Variants in PFDN5 observed in about 807,000 individuals in gnomAD.
The protein encoded by PFDN5 is c-myc binding protein.
PFDN5 carries 13 observed loss-of-function variants against 21.5 expected under a neutral mutation model. The ratio of observed to expected loss-of-function variants is 0.60; its 90% CI spans 0.39 to 0.96. PFDN5 has a LOEUF of 0.96. PFDN5 is among the 40% of genes least tolerant of loss of function. PFDN5 has a pLI of 0.00. For synonymous variants in PFDN5, 84 were observed against 68.9 expected (o/e 1.22, Z -1.08); for missense variants, 188 against 186.2 (o/e 1.01, Z -0.06).
At position 53,297,354 on chromosome 12, in the gene PFDN5, G is replaced by A. The variant is rs188633334; in HGVS notation, c.208-496G>A. 2.6e-3 allele frequency: 404 copies of A among 158,024 alleles called. 9 individuals are homozygous for A. The highest frequency in any genetic ancestry group is 7.5e-4 in the East Asian group (4 of 5,352). 9.8% of individuals were successfully genotyped at this position (158,024 alleles called of 1,614,324 possible). Reference sequence around the variant, plus strand: ...TGAGACAGGAGAATTGCTTTAACCCGAGAGGCAGAGGTTGCAGTGAGCCGA... The same window carrying A: ...TGAGACAGGAGAATTGCTTTAACCCAAGAGGCAGAGGTTGCAGTGAGCCGA... On this transcript the variant is annotated intron_variant, in intron 3 of 5. Coordinates refer to ENST00000334478, the MANE Select transcript of PFDN5 (RefSeq NM_002624.4).
chr12:53,295,684 C>T lies in PFDN5; in HGVS notation c.72+45C>T, dbSNP rs779977913. 9.8e-6 allele frequency: 15 copies of T among 1,528,634 alleles called. No individual in the cohort carries two copies. In the East Asian group the frequency reaches 1.1e-4, roughly 11 times the overall value. 94.7% of individuals were successfully genotyped at this position (1,528,634 alleles called of 1,614,324 possible). Reference sequence around the variant, plus strand: ...GCACCTCTTTCCTGCTCTACATCCCCCTTGCCCACGCGTACTTCTCGCGCC... The same window carrying T: ...GCACCTCTTTCCTGCTCTACATCCCTCTTGCCCACGCGTACTTCTCGCGCC... On this transcript the variant is annotated intron_variant, in intron 1 of 5. Coordinates refer to ENST00000334478, the MANE Select transcript of PFDN5 (RefSeq NM_002624.4).
chr12:53,298,444 A>C, intron 5 of PFDN5: 1 of 283,524 alleles, frequency 3.5e-6, no homozygotes, highest in Non-Finnish European at 6.9e-6. Flanking sequence ...AAACGAACTA[A>C]ATACCAGCAA....
At chr12:53,297,637 T>G in intron 3 of PFDN5, 1 of 548,854 alleles carries the variant, frequency 1.8e-6, no homozygotes. Flanking sequence ...AAGAGGGTGT[T>G]CCAGCATACA....
rs529420532 is a variant in PFDN5 at position 53,297,844 on chromosome 12, T to G, written c.208-6T>G. ...GCTAGTTTTTCCCTTAATTCTTGCT[T>G]CTCAGATGTATGTCCCTGGGAAGCT... is the stretch of plus-strand genomic sequence containing the variant. On this transcript the variant is annotated splice_polypyrimidine_tract_variant and splice_region_variant and intron_variant, in intron 3 of 5. Transcript: ENST00000334478. 1.2e-6 allele frequency: 2 copies of G among 1,608,474 alleles called. No individual in the cohort carries two copies.
Position 53,295,543 on chromosome 12 carries a change from T to G in PFDN5, c.-25T>G, listed in dbSNP as rs1262401778. On this transcript the variant is annotated 5_prime_UTR_variant, in exon 1 of 6. Transcript: ENST00000334478. ...GAGCGTTGCTCGCCGAGAGACTTCC[T>G]CTTCGTTAAGTCGGCCTTCCCAACA... 1.2e-6 allele frequency: 2 copies of G among 1,601,418 alleles called. No individual in the cohort carries two copies. The highest frequency in any genetic ancestry group is 1.3e-5 in the African/African-American group (1 of 74,410).
rs1450148642 is a variant in PFDN5, at chr12:53,296,236, T to A, written c.176-8T>A. On this transcript the variant is annotated splice_polypyrimidine_tract_variant and splice_region_variant and intron_variant, in intron 2 of 5. Transcript: ENST00000334478. ...TTCCCCAGGTGTTTGTCTTCATTGC[T>A]TTCACAGGGAAAGAATTACTCGTCC... 1.2e-6 allele frequency: 2 copies of A among 1,609,514 alleles called. No individual in the cohort carries two copies.
intron 2 of PFDN5, 133 bp from the exon 3 acceptor site, chr12:53,296,111 C>T (rs1944146628): frequency 2.4e-6 from 2 of 824,716 alleles, no homozygotes; most frequent in Non-Finnish European, 2.1e-6. Flanking sequence ...CAGGACATTC[C>T]TCTGCTCCTA....
intron 3 of PFDN5, 71 bp downstream of exon 3, chr12:53,296,346 G>T: frequency 8.3e-7 from 1 of 1,209,462 alleles, no homozygotes; most frequent in Non-Finnish European, 1.2e-6. Flanking sequence ...AAAGCGGGGA[G>T]GGGGATTGTT....
chr12:53,298,842 T>G (rs1192391516), intron 5 of PFDN5: 1 of 174,614 alleles, frequency 5.7e-6, no homozygotes, highest in Non-Finnish European at 1.2e-5. Flanking sequence ...TGAGTTAAAG[T>G]TTTATTAACA....
chr12:53,297,790 C>G, intron 3 of PFDN5, 60 bp from the exon 4 acceptor site: 1 of 1,282,214 alleles, frequency 7.8e-7, no homozygotes, highest in East Asian at 2.3e-5. Flanking sequence ...AGCAGGCTGG[C>G]TGGCGGAATC....
intron 3 of PFDN5, chr12:53,296,703 G>A: frequency 3.3e-6 from 1 of 298,760 alleles, no homozygotes; most frequent in Non-Finnish European, 6.4e-6. Flanking sequence ...GTGAGCCACT[G>A]CCCCCGGCCA....
chr12:53,296,348 G>T, intron 3 of PFDN5, 73 bp downstream of exon 3: 1 of 1,194,560 alleles, frequency 8.4e-7, no homozygotes. Context: ...AGCGGGGAGG[G>T]GGATTGTTTT....
At chr12:53,298,336 T>C in intron 5 of PFDN5, 186 bp downstream of exon 5, 1 of 537,270 alleles carries the variant, frequency 1.9e-6, no homozygotes, top group Non-Finnish European at 3.4e-6. Context: ...TTTGAGAAAT[T>C]TAGAGGAAGG....
chr12:53,295,654 C>A lies in PFDN5; in HGVS notation c.72+15C>A, dbSNP rs751840260. 1.9e-5 allele frequency: 30 copies of A among 1,607,540 alleles called. No homozygotes were observed. The highest frequency in any genetic ancestry group is 2.7e-5 in the African/African-American group (2 of 74,950). On this transcript the variant is annotated intron_variant, in intron 1 of 5. Transcript: ENST00000334478. ...AGCTGGACCAGGTGGGGACGGGCCC[C>A]AGAGGCACCTCTTTCCTGCTCTACA...
intron 5 of PFDN5, chr12:53,299,045 AGAATCGCTT>A: frequency 2.7e-6 from 1 of 373,074 alleles, no homozygotes; most frequent in Admixed American, 3.8e-5. Flanking sequence ...ATGAGGCAGG[AGAATCGCTT>A]GAACCCGGGA....
At chr12:53,295,800 T>G (rs1944142776) in intron 1 of PFDN5, 39 bp from the exon 2 acceptor site, 1 of 1,358,770 alleles carries the variant, frequency 7.4e-7, no homozygotes, top group Non-Finnish European at 1.1e-6. Context: ...CTTTCTCCCC[T>G]TAGTCCTCTC....
intron 1 of PFDN5, 94 bp downstream of exon 1, chr12:53,295,733 T>A: frequency 7.5e-7 from 1 of 1,334,380 alleles, no homozygotes; most frequent in Non-Finnish European, 1.1e-6. Context: ...GCAGCCTACC[T>A]TTCCCAGGCG....
chr12:53,296,404 C>CTT, intron 3 of PFDN5, 129 bp downstream of exon 3: 1 of 590,214 alleles, frequency 1.7e-6, no homozygotes, highest in African/African-American at 1.9e-5. Flanking sequence ...TGAGGATACC[C>CTT]TTTTTTTTTT....
At chr12:53,297,679 T>C in intron 3 of PFDN5, 171 bp from the exon 4 acceptor site, 1 of 604,408 alleles carries the variant, frequency 1.7e-6, no homozygotes, top group Non-Finnish European at 3.0e-6. Flanking sequence ...AACTTCTCTG[T>C]CTTCTTTCCA....
Sources: allele counts gnomAD v4.1 joint callset, GRCh38; gene constraint gnomAD v4.1.1; transcripts MANE v1.5; gene names NCBI Gene and HGNC (gene_info 2026-07-23, HGNC 2026-07-21).